The following GAD2 variants were observed in gnomAD, a reference collection of about 807,000 sequenced individuals.
GAD2 encodes the protein 65 kDa glutamic acid decarboxylase.
A neutral mutation model predicts 80.1 loss-of-function variants in GAD2; 22 were observed. The observed-to-expected ratio is 0.27, with a 90% CI of 0.20 to 0.39. GAD2 has a LOEUF of 0.39. Among genes scored for constraint, GAD2 ranks in the 10% least tolerant of loss-of-function variants. The pLI is 1.00. For synonymous variants in GAD2, 274 were observed against 256.9 expected, an observed-to-expected ratio of 1.07 and a Z score of -0.64; for missense variants, 624 against 738.4, an observed-to-expected ratio of 0.85 and a Z score of 1.80.
In GAD2 at chr10:26,245,922, G is replaced by A; in HGVS notation, c.842G>A (p.Ser281Asn). 1 of 1,611,054 alleles carries A rather than the reference G, an allele frequency of 6.2e-7. No individual in the cohort carries two copies. The highest frequency in any genetic ancestry group is 8.5e-7 in the Non-Finnish European group (1 of 1,177,598). The change falls in exon 8 of 16, where the codon AGT (serine) becomes AAT (asparagine). Residue 281 changes from serine to asparagine, a missense_variant and splice_region_variant. Transcript: ENST00000376261. ...PRLIAFTSEH[S>N]HFSLKKGAAA... ...CAAATATATATATTTTTTTTACAGA[G>A]TCATTTTTCTCTCAAGAAGGGAGCT...
intron 8 of GAD2, among the ~76,000 whole-genome samples, chr10:26,264,943 C>T (rs1192747807): frequency 6.6e-6 from 1 of 152,140 alleles, no homozygotes; most frequent in Admixed American, 6.5e-5. Flanking sequence ...ACTCAGGCAC[C>T]CTACATGTGA....
chr10:26,259,797 T>C (rs1373856775), intron 8 of GAD2, among the ~76,000 whole-genome samples: 1 of 152,162 alleles, frequency 6.6e-6, no homozygotes, highest in Non-Finnish European at 1.5e-5. Context: ...ATGTTATGAA[T>C]GTTTTGTCCT....
At chr10:26,245,291 G>A (rs1373910749) in intron 7 of GAD2, among the ~76,000 whole-genome samples, 2 of 151,992 alleles carry the variant, frequency 1.3e-5, no homozygotes, top group African/African-American at 2.4e-5. Context: ...CCTAGGTGAT[G>A]GGTTGATAGG....
chr10:26,241,628 C>T (rs1158013475), intron 7 of GAD2, among the ~76,000 whole-genome samples: 3 of 151,990 alleles, frequency 2.0e-5, no homozygotes, highest in South Asian at 2.1e-4. Flanking sequence ...TTCCCCAACA[C>T]GTTACCTTTT....
intron 8 of GAD2, among the ~76,000 whole-genome samples, chr10:26,255,672 AGG>A (rs1221470034): frequency 6.6e-6 from 1 of 150,902 alleles, no homozygotes. Context: ...GAAGGAAAGA[AGG>A]AAGGAAGCAA....
intron 12 of GAD2, among the ~76,000 whole-genome samples, chr10:26,284,299 C>T (rs1430123557): frequency 6.6e-6 from 1 of 152,094 alleles, no homozygotes; most frequent in East Asian, 1.9e-4. Context: ...CTTACTGGGG[C>T]CCTTAATATG....
At chr10:26,269,245 G>T (rs1845106076) in intron 9 of GAD2, 72 bp downstream of exon 9, 2 of 1,320,478 alleles carry the variant, frequency 1.5e-6, no homozygotes, top group South Asian at 2.9e-5. Flanking sequence ...AATGTGTTTT[G>T]GTTTTATTTT....
chr10:26,266,428 T>TC (rs1480259126), intron 8 of GAD2, among the ~76,000 whole-genome samples: 1 of 152,178 alleles, frequency 6.6e-6, no homozygotes, highest in African/African-American at 2.4e-5. Context: ...ATGGTAAGTT[T>TC]CCTCCCCCAA....
chr10:26,294,502 T>C (rs1323123935), intron 15 of GAD2, among the ~76,000 whole-genome samples: 1 of 152,182 alleles, frequency 6.6e-6, no homozygotes, highest in Non-Finnish European at 1.5e-5. Flanking sequence ...AAGACACTAG[T>C]GACCAGGTCT....
chr10:26,236,286 C>T (rs1214413268), intron 7 of GAD2, among the ~76,000 whole-genome samples: 1 of 149,532 alleles, frequency 6.7e-6, no homozygotes, highest in Non-Finnish European at 1.5e-5. Flanking sequence ...AGAAAGATGA[C>T]TTTCTTTTCT....
In GAD2 at chr10:26,257,192, C is replaced by T. The variant is rs183190346; in HGVS notation, c.920+11192C>T. Among the ~76,000 whole-genome samples the T allele has an allele frequency of 1.2e-4, 19 of 152,202 alleles. No individual in the cohort carries two copies. In the East Asian group the frequency reaches 2.1e-3, roughly 17 times the overall value. The stretch of plus-strand genomic sequence containing the variant: ...AGGAGTTCAAGACCAGCCTAACCAA[C>T]GTGGTGAAACCCCATCTCTACCAAA... On this transcript the variant is annotated intron_variant, in intron 8 of 15. Coordinates refer to ENST00000376261, the MANE Select transcript of GAD2 (RefSeq NM_001134366.2).
Position 26,229,572 on chromosome 10 carries a change from G to T in GAD2, c.725-90G>T, listed in dbSNP as rs1193263593. 4.6e-6 allele frequency: 4 copies of T among 867,550 alleles called. No homozygotes were observed. In the African/African-American group the frequency reaches 5.0e-5, roughly 11 times the overall value. 53.7% of individuals were successfully genotyped at this position (867,550 alleles called of 1,614,324 possible). Reference sequence around the variant, plus strand: ...AGGTTTTTCTTCTGAGTCCAAGGAGGACTCAGGTCAGTGGAAATAAGGAAT... The same window carrying T: ...AGGTTTTTCTTCTGAGTCCAAGGAGTACTCAGGTCAGTGGAAATAAGGAAT... On this transcript the variant is annotated intron_variant, in intron 6 of 15. Transcript: ENST00000376261.
chr10:26,295,354 C>T (rs946513953), intron 15 of GAD2, among the ~76,000 whole-genome samples: 1 of 152,208 alleles, frequency 6.6e-6, no homozygotes, highest in South Asian at 2.1e-4. Context: ...TTCAGCAATT[C>T]AGATTTGGAA....
At chr10:26,273,826 C>T (rs979243891) in intron 11 of GAD2, 126 bp downstream of exon 11, 44 of 721,176 alleles carry the variant, frequency 6.1e-5, no homozygotes, top group Admixed American at 2.7e-5. Flanking sequence ...GCTTGTGTTC[C>T]TTGCCTTATG....
intron 3 of GAD2, among the ~76,000 whole-genome samples, chr10:26,218,551 T>TCTCTCTCTCTCACACACA (rs748110324): frequency 8.4e-6 from 1 of 118,860 alleles, no homozygotes; most frequent in African/African-American, 3.1e-5. Flanking sequence ...TCTCTCTCTC[T>TCTCTCTCTCTCACACACA]CACACACACA....
chr10:26,233,554 G>A (rs1043401443), intron 7 of GAD2, among the ~76,000 whole-genome samples: 4 of 152,122 alleles, frequency 2.6e-5, no homozygotes, highest in African/African-American at 4.8e-5. Context: ...GATCCCCATC[G>A]CTAGTTCCTT....
At chr10:26,286,533 A>G in intron 13 of GAD2, 39 bp downstream of exon 13, 4 of 1,562,334 alleles carry the variant, frequency 2.6e-6, no homozygotes, top group Non-Finnish European at 3.5e-6. Context: ...AACTAAAAAC[A>G]GAACCTTTAT....
In GAD2 at chr10:26,260,407, T is replaced by G. The variant is rs564505741; in HGVS notation, c.921-8712T>G. On this transcript the variant is annotated intron_variant, in intron 8 of 15. Coordinates refer to ENST00000376261, the MANE Select transcript of GAD2 (RefSeq NM_001134366.2). ...ACTTTGGAGGGCCGAGGTGGGCAGATCACCTGAGGTCAGGAGTTCGAGACC... is the reference window on the plus strand; with the variant it reads ...ACTTTGGAGGGCCGAGGTGGGCAGAGCACCTGAGGTCAGGAGTTCGAGACC... 5.9e-5 allele frequency among the ~76,000 whole-genome samples: 9 copies of G among 152,252 alleles called. No individual in the cohort carries two copies. In the East Asian group the frequency reaches 1.7e-3, roughly 29 times the overall value.
At chr10:26,219,961 G>C (rs547695969) in intron 4 of GAD2, among the ~76,000 whole-genome samples, 34 of 152,270 alleles carry the variant, frequency 2.2e-4, no homozygotes, top group Admixed American at 1.8e-3. Context: ...TATCCTTAGG[G>C]GGAAATTTTT....
Sources: gnomAD v4.1 joint callset for allele counts (sites outside exome capture counted in the v4.1 genomes callset) on GRCh38, gnomAD v4.1.1 for gene constraint, MANE v1.5 for transcripts, NCBI Gene and HGNC (gene_info 2026-07-23, HGNC 2026-07-21) for gene names.